The following NCAM1 variants were observed in gnomAD, a reference collection of about 807,000 sequenced individuals.
The protein encoded by NCAM1 is neural cell adhesion molecule 1.
NCAM1 carries 14 observed loss-of-function variants against 109.8 expected under a neutral mutation model. The ratio of observed to expected loss-of-function variants is 0.13; its 90% CI spans 0.08 to 0.20. The LOEUF (loss-of-function observed/expected upper bound fraction) is 0.20, where lower values mean the gene tolerates loss of function less well. Ranked by LOEUF, NCAM1 falls within the 10% of genes least tolerant of loss-of-function variation. NCAM1 has a pLI of 1.00. For synonymous variants in NCAM1, 418 were observed against 442.9 expected (o/e 0.94, Z 0.70); for missense variants, 774 against 1,109.9 (o/e 0.70, Z 4.30).
chr11:113,244,868 C>A (rs1945453833), intron 14 of NCAM1, among the ~76,000 whole-genome samples: 1 of 152,062 alleles, frequency 6.6e-6, no homozygotes, highest in East Asian at 1.9e-4. Context: ...GAAGAGGTAG[C>A]CTGGTTAAAG....
intron 14 of NCAM1, chr11:113,243,702 G>T: frequency 2.4e-6 from 1 of 408,468 alleles, no homozygotes; most frequent in Admixed American, 2.6e-5. Flanking sequence ...TCAAAGCTGT[G>T]TGGGAGTTTT....
At position 113,203,880 on chromosome 11, in the gene NCAM1, C is replaced by T. The variant is rs76559417; in HGVS notation, c.128-406C>T. On this transcript the variant is annotated intron_variant, in intron 2 of 19. Coordinates refer to ENST00000316851, the MANE Select transcript of NCAM1 (RefSeq NM_181351.5). Reference sequence around the variant, plus strand: ...CTTCAAAAACAAGCTGATCAGTAGACTCAGACCAGTTAGGCTCTGGCGCCC... The same window carrying T: ...CTTCAAAAACAAGCTGATCAGTAGATTCAGACCAGTTAGGCTCTGGCGCCC... Among the ~76,000 whole-genome samples the T allele has an allele frequency of 1.4e-3, 207 of 152,298 alleles. 3 individuals carry two copies. In the East Asian group the frequency reaches 0.038, roughly 28 times the overall value.
At chr11:113,025,872 G>A (rs908998732) in intron 1 of NCAM1, among the ~76,000 whole-genome samples, 36 of 151,498 alleles carry the variant, frequency 2.4e-4, no homozygotes, top group African/African-American at 7.1e-4. Flanking sequence ...AAAAATCAGC[G>A]TGGGTTGGCT....
chr11:113,096,285 G>A (rs1555090418), intron 1 of NCAM1, among the ~76,000 whole-genome samples: 1 of 152,208 alleles, frequency 6.6e-6, no homozygotes, highest in Non-Finnish European at 1.5e-5. Context: ...GACAAAATGT[G>A]TTATCAGTTA....
intron 16 of NCAM1, among the ~76,000 whole-genome samples, chr11:113,258,618 T>G (rs1179994660): frequency 6.6e-6 from 1 of 152,244 alleles, no homozygotes; most frequent in Admixed American, 6.5e-5. Context: ...TTACCTATTG[T>G]ATATTTCAAA....
chr11:113,271,285 G>A (rs533839430), intron 18 of NCAM1, among the ~76,000 whole-genome samples: 3 of 143,966 alleles, frequency 2.1e-5, no homozygotes, highest in South Asian at 2.2e-4. Context: ...CTGGAGAATC[G>A]CTTGAACCCA....
chr11:113,050,418 G>C (rs782753073), intron 1 of NCAM1, among the ~76,000 whole-genome samples: 4 of 151,388 alleles, frequency 2.6e-5, no homozygotes, highest in Non-Finnish European at 5.9e-5. Flanking sequence ...TAGGAGGTTT[G>C]AGAAATTCCA....
chr11:113,262,880 T>C, intron 17 of NCAM1: 1 of 1,613,954 alleles, frequency 6.2e-7, no homozygotes, highest in South Asian at 1.1e-5. Context: ...CCTACACCTT[T>C]GTCTCATTGC....
At chr11:113,100,408 G>C (rs1555091286) in intron 1 of NCAM1, among the ~76,000 whole-genome samples, 1 of 152,112 alleles carries the variant, frequency 6.6e-6, no homozygotes, top group African/African-American at 2.4e-5. Context: ...CTCAGTAGAG[G>C]GTCAGGATGA....
chr11:113,044,370 T>C (rs563654953), intron 1 of NCAM1, among the ~76,000 whole-genome samples: 1 of 150,538 alleles, frequency 6.6e-6, no homozygotes, highest in Non-Finnish European at 1.5e-5. Flanking sequence ...CACACACACA[T>C]ACACACATAC....
In NCAM1 at chr11:113,214,485, A is replaced by T; in HGVS notation, c.1033A>T (p.Thr345Ser). 1.2e-6 allele frequency: 2 copies of T among 1,611,234 alleles called. No homozygotes were observed. The highest frequency in any genetic ancestry group is 1.7e-6 in the Non-Finnish European group (2 of 1,178,630). ...PIPSITWRTS[T>S]RNISSEEKAS... is the part of the protein sequence containing the mutation. ...TCCCTCCATCACCTGGAGGACTTCT[A>T]CCCGGAACATCAGCAGCGAAGAAAA... Residue 345 changes from threonine to serine, a missense_variant, in exon 8 of 20, where the codon ACC (threonine) becomes TCC (serine). By Grantham distance (58) the Thr-to-Ser change is moderately conservative (BLOSUM62 1). Transcript: ENST00000316851.
intron 8 of NCAM1, among the ~76,000 whole-genome samples, chr11:113,220,107 A>C (rs1944641039): frequency 6.6e-6 from 1 of 152,206 alleles, no homozygotes; most frequent in Non-Finnish European, 1.5e-5. Context: ...AGGTAATAAA[A>C]AGAACAATGC....
At chr11:113,119,133 G>A (rs1242530213) in intron 1 of NCAM1, among the ~76,000 whole-genome samples, 2 of 116,920 alleles carry the variant, frequency 1.7e-5, no homozygotes, top group African/African-American at 3.4e-5. Context: ...AGGAAGTAGA[G>A]GTGACATTAG....
rs554393519 is a variant in NCAM1, at chr11:113,100,086, T to C, written c.53-102293T>C. ...AACCAGAGCCTAGCACCCTAAATTTTGCCTATTGTACTTGGTAGAAGACAC... is the reference window on the plus strand; with the variant it reads ...AACCAGAGCCTAGCACCCTAAATTTCGCCTATTGTACTTGGTAGAAGACAC... On this transcript the variant is annotated intron_variant, in intron 1 of 19. Coordinates refer to ENST00000316851, the MANE Select transcript of NCAM1 (RefSeq NM_181351.5). Among the ~76,000 whole-genome samples the C allele has an allele frequency of 2.0e-3, 310 of 152,300 alleles. 2 individuals are homozygous for C. The highest frequency in any genetic ancestry group is 7.1e-3 in the African/African-American group (296 of 41,568).
intron 1 of NCAM1, among the ~76,000 whole-genome samples, chr11:112,970,834 A>G (rs1471251418): frequency 6.6e-6 from 1 of 152,186 alleles, no homozygotes; most frequent in Non-Finnish European, 1.5e-5. Context: ...ATGATTTTGG[A>G]TAAGGATAAA....
intron 16 of NCAM1, 108 bp from the exon 17 acceptor site, chr11:113,260,038 C>CA (rs1555122989): frequency 1.0e-6 from 1 of 1,003,076 alleles, no homozygotes; most frequent in African/African-American, 1.7e-5. Flanking sequence ...GATTTCATGC[C>CA]AAAAGTTATT....
chr11:113,174,391 C>T (rs1207068539), intron 1 of NCAM1, among the ~76,000 whole-genome samples: 1 of 152,154 alleles, frequency 6.6e-6, no homozygotes, highest in South Asian at 2.1e-4. Context: ...TGCAAAAGTG[C>T]ACAGGCACAA....
intron 1 of NCAM1, among the ~76,000 whole-genome samples, chr11:113,136,358 T>A (rs1332984966): frequency 6.6e-6 from 1 of 152,040 alleles, no homozygotes; most frequent in Non-Finnish European, 1.5e-5. Flanking sequence ...GGAACAGGTG[T>A]GTTGGGCTGT....
chr11:113,266,501 G>C (rs1946136194), intron 17 of NCAM1, among the ~76,000 whole-genome samples: 1 of 152,124 alleles, frequency 6.6e-6, no homozygotes, highest in Non-Finnish European at 1.5e-5. Context: ...TGCACCCTGG[G>C]GTGGCAAATC....
Sources: allele counts gnomAD v4.1 joint callset (sites outside exome capture counted in the v4.1 genomes callset), GRCh38; gene constraint gnomAD v4.1.1; transcripts MANE v1.5; gene names NCBI Gene and HGNC (gene_info 2026-07-23, HGNC 2026-07-21).